The following TMEM132D variants were observed in gnomAD, a reference collection of about 807,000 sequenced individuals.
The protein encoded by TMEM132D is transmembrane protein 132D, also known as mature OL transmembrane protein.
In TMEM132D, 21 loss-of-function variants were observed where a neutral mutation model predicts 62.3. The observed-to-expected ratio is 0.34, with a 90% confidence interval of 0.24 to 0.49. The LOEUF (loss-of-function observed/expected upper bound fraction) is 0.49, where lower values mean the gene tolerates loss of function less well. Ranked by LOEUF, TMEM132D falls within the 20% of genes least tolerant of loss-of-function variation. The pLI, the probability that TMEM132D is intolerant of heterozygous loss-of-function variation, is 0.99. For synonymous variants in TMEM132D, 621 were observed against 575.6 expected (o/e 1.08, Z -1.13); for missense variants, 1,346 against 1,402.8 (o/e 0.96, Z 0.65).
At chr12:129,326,276 A>G (rs1395911764) in intron 4 of TMEM132D, among the ~76,000 whole-genome samples, 1 of 152,164 alleles carries the variant, frequency 6.6e-6, no homozygotes, top group Non-Finnish European at 1.5e-5. Context: ...AAAAGTTTAT[A>G]TCATAATTGG....
At position 129,351,718 on chromosome 12, in the gene TMEM132D, G is replaced by A. The variant is rs147914354; in HGVS notation, c.1116-13901C>T. On this transcript the variant is annotated intron_variant, in intron 3 of 8. Transcript: ENST00000422113. ...TTTACTTGGAATGATTTTACTCATC[G>A]TGCTTTGCTGTTGTGGAATATATTG... 2.9e-3 allele frequency among the ~76,000 whole-genome samples: 448 copies of A among 152,290 alleles called. 2 individuals are homozygous for A. The highest frequency in any genetic ancestry group is 0.01 in the African/African-American group (419 of 41,548).
At chr12:129,494,086 A>G (rs1282988741) in intron 3 of TMEM132D, among the ~76,000 whole-genome samples, 2 of 152,188 alleles carry the variant, frequency 1.3e-5, no homozygotes, top group East Asian at 1.9e-4. Context: ...ACACACGCTC[A>G]TCCAACAAGC....
intron 1 of TMEM132D, among the ~76,000 whole-genome samples, chr12:129,897,118 C>A (rs1311457773): frequency 6.6e-6 from 1 of 152,194 alleles, no homozygotes; most frequent in Non-Finnish European, 1.5e-5. Flanking sequence ...GCAGATTTTT[C>A]TTTTAAATAA....
chr12:129,179,083 G>A (rs935993302), intron 5 of TMEM132D, among the ~76,000 whole-genome samples: 6 of 152,162 alleles, frequency 3.9e-5, no homozygotes, highest in African/African-American at 9.7e-5. Context: ...CTTGGGGACC[G>A]TAGACAAACA....
intron 3 of TMEM132D, among the ~76,000 whole-genome samples, chr12:129,394,096 G>T (rs1462980058): frequency 1.3e-5 from 2 of 152,166 alleles, no homozygotes; most frequent in South Asian, 4.1e-4. Context: ...TCTCAAAGTG[G>T]TTTTGTGGCA....
At chr12:129,877,211 A>ATAGTATAATAATATAATAGTATAAT (rs1874442202) in intron 1 of TMEM132D, among the ~76,000 whole-genome samples, 3 of 150,466 alleles carry the variant, frequency 2.0e-5, no homozygotes, top group Admixed American at 2.0e-4. Context: ...ACTATATTAA[A>ATAGTATAATAATATAATAGTATAAT]ACTATTAATA....
In TMEM132D at chr12:129,081,862, G is replaced by A. The variant is rs772738276; in HGVS notation, c.1820C>T (p.Thr607Met). The A allele has an allele frequency of 5.0e-6, 8 of 1,613,678 alleles. No individual in the cohort carries two copies. In the East Asian group the frequency reaches 6.7e-5, roughly 13 times the overall value. Residue 607 changes from threonine (T) to methionine (M), a missense_variant, in exon 7 of 9, where the codon ACG (threonine) becomes ATG (methionine). Transcript: ENST00000422113. ...CTGCATGAAGTCATTTATCAGCTCC[G>A]TGATGTCCACTTGCCAGTCTGAGCC... ...LLGSDWQVDITELINDFMQVE... is the reference protein window; with the variant it reads ...LLGSDWQVDIMELINDFMQVE...
At chr12:129,333,907 G>C (rs1157333305) in intron 4 of TMEM132D, among the ~76,000 whole-genome samples, 1 of 152,154 alleles carries the variant, frequency 6.6e-6, no homozygotes, top group Non-Finnish European at 1.5e-5. Context: ...GATCATCTTA[G>C]GTCAGGAGTT....
At chr12:129,196,616 G>A (rs898754666) in intron 5 of TMEM132D, among the ~76,000 whole-genome samples, 2 of 152,094 alleles carry the variant, frequency 1.3e-5, no homozygotes, top group Admixed American at 1.3e-4. Flanking sequence ...TATCTTGTGT[G>A]AGGTTTATTT....
intron 4 of TMEM132D, among the ~76,000 whole-genome samples, chr12:129,266,113 G>A (rs1880686935): frequency 6.6e-6 from 1 of 151,740 alleles, no homozygotes; most frequent in African/African-American, 2.4e-5. Context: ...CACTGATGAT[G>A]GCCTTTGTGC....
At chr12:129,496,253 C>T (rs1474583161) in intron 3 of TMEM132D, among the ~76,000 whole-genome samples, 2 of 152,050 alleles carry the variant, frequency 1.3e-5, no homozygotes, top group South Asian at 2.1e-4. Flanking sequence ...ATAAGACGGA[C>T]GGCAGGGGTG....
rs3045974 is a variant in TMEM132D, at chr12:129,307,062, AT to A, written c.1299+30571del. Reference sequence around the variant, plus strand: ...AGAAGTAACATAGGACAATAGACTGATTTTTTTTTTTTTGTCTAAGCAAATT... The same window carrying A: ...AGAAGTAACATAGGACAATAGACTGATTTTTTTTTTTTGTCTAAGCAAATT... On this transcript the variant is annotated intron_variant, in intron 4 of 8. Transcript: ENST00000422113. 7.5e-3 allele frequency among the ~76,000 whole-genome samples: 1,116 copies of A among 149,386 alleles called. 12 individuals are homozygous for A. Among genetic ancestry groups the A allele is most frequent in the African/African-American group, 0.026 (1,048 of 40,788 alleles).
chr12:129,594,006 T>C (rs947198794), intron 2 of TMEM132D, among the ~76,000 whole-genome samples: 3 of 152,188 alleles, frequency 2.0e-5, no homozygotes, highest in Non-Finnish European at 2.9e-5. Context: ...AGGTCTCATT[T>C]TGACAGATTT....
intron 8 of TMEM132D, among the ~76,000 whole-genome samples, chr12:129,077,849 TACTG>T (rs549550541): frequency 0.019 from 2,871 of 150,686 alleles, 29 homozygotes; most frequent in Non-Finnish European, 0.03. Context: ...CAACACAAAA[TACTG>T]ACACAAGACA....
intron 1 of TMEM132D, among the ~76,000 whole-genome samples, chr12:129,767,586 C>T (rs980072454): frequency 3.9e-5 from 6 of 152,224 alleles, no homozygotes; most frequent in African/African-American, 1.2e-4. Context: ...TGGCTGAGAT[C>T]ATACAGCATT....
chr12:129,877,602 C>A (rs547755964), intron 1 of TMEM132D, among the ~76,000 whole-genome samples: 118 of 83,096 alleles, frequency 1.4e-3, no homozygotes, highest in African/African-American at 3.8e-3. Flanking sequence ...ATTAACCAAA[C>A]GCGCGCGCGC....
At chr12:129,745,648 C>A (rs190476212) in intron 1 of TMEM132D, among the ~76,000 whole-genome samples, 2 of 152,334 alleles carry the variant, frequency 1.3e-5, no homozygotes, top group East Asian at 3.9e-4. Flanking sequence ...CCATCTGGGT[C>A]TGATGCTTAG....
chr12:129,715,625 C>A (rs920483159), intron 1 of TMEM132D, among the ~76,000 whole-genome samples: 1 of 152,200 alleles, frequency 6.6e-6, no homozygotes, highest in Non-Finnish European at 1.5e-5. Flanking sequence ...TGCAATTCAA[C>A]GTTCCTTTAC....
At chr12:129,792,056 G>A (rs997638445) in intron 1 of TMEM132D, among the ~76,000 whole-genome samples, 4 of 152,212 alleles carry the variant, frequency 2.6e-5, no homozygotes, top group Non-Finnish European at 5.9e-5. Flanking sequence ...TGACATCTCA[G>A]GGGGCCATTC....
Sources: allele counts gnomAD v4.1 joint callset (sites outside exome capture counted in the v4.1 genomes callset), GRCh38; gene constraint gnomAD v4.1.1; transcripts MANE v1.5; gene names NCBI Gene and HGNC (gene_info 2026-07-23, HGNC 2026-07-21).